PRRC2B: variants seen among roughly 807,000 people sequenced by gnomAD.
The protein encoded by PRRC2B is protein PRRC2B.
In PRRC2B, 68 loss-of-function variants were observed where a neutral mutation model predicts 242.3. That is an observed-to-expected ratio of 0.28 (90% confidence interval 0.23 to 0.34). PRRC2B has a LOEUF of 0.34. Ranked by LOEUF, PRRC2B falls within the 10% of genes least tolerant of loss-of-function variation. PRRC2B has a pLI of 1.00. For synonymous variants in PRRC2B, 1,228 were observed against 1,173.6 expected, an observed-to-expected ratio of 1.05 and a Z score of -0.95; for missense variants, 2,835 against 2,954.8, an observed-to-expected ratio of 0.96 and a Z score of 0.94.
At chr9:131,396,332 T>C (rs1337835116) in intron 1 of PRRC2B, among the ~76,000 whole-genome samples, 8 of 146,760 alleles carry the variant, frequency 5.5e-5, no homozygotes, top group East Asian at 1.9e-4. Context: ...TTTCTTTTTT[T>C]TTTTTTTTTT....
chr9:131,488,605 C>G (rs1944094276), intron 28 of PRRC2B, among the ~76,000 whole-genome samples: 1 of 152,186 alleles, frequency 6.6e-6, no homozygotes, highest in Non-Finnish European at 1.5e-5. Flanking sequence ...GTCCCCTAAG[C>G]ACTGCCTGCT....
At position 131,446,966 on chromosome 9, in the gene PRRC2B, C is replaced by A; in HGVS notation, c.856-119C>A. The A allele has an allele frequency of 1.5e-6, 2 of 1,306,018 alleles. No homozygotes were observed. The highest frequency in any genetic ancestry group is 2.1e-6 in the Non-Finnish European group (2 of 936,378). 80.9% of individuals were successfully genotyped at this position (1,306,018 alleles called of 1,614,324 possible). A position where few individuals can be genotyped will look rare whatever the true frequency, so the allele number is the denominator to read the frequency against. Reference sequence around the variant, plus strand: ...ATGGTGGTAGGATTAATTAGGAAACCCCATGACTTTCCTGTTTCTTTTTCC... The same window carrying A: ...ATGGTGGTAGGATTAATTAGGAAACACCATGACTTTCCTGTTTCTTTTTCC... On this transcript the variant is annotated intron_variant, in intron 7 of 31. Transcript: ENST00000683519. This position sits in a 1 kb window ranked among gnomAD's most constrained non-coding sequence, Gnocchi z 4.1.
intron 5 of PRRC2B, among the ~76,000 whole-genome samples, chr9:131,442,073 C>T (rs986596268): frequency 1.3e-5 from 2 of 152,032 alleles, no homozygotes; most frequent in African/African-American, 4.8e-5. Flanking sequence ...AGAGATGGAA[C>T]AGCAATGTTG....
intron 4 of PRRC2B, among the ~76,000 whole-genome samples, chr9:131,437,465 C>G (rs1838412236): frequency 6.6e-6 from 1 of 152,194 alleles, no homozygotes; most frequent in South Asian, 2.1e-4. Context: ...GGAGGATATA[C>G]TTAGCCAGAA....
chr9:131,396,325 C>CTTTTTTTTTTTTTTTTTTTTTTT (rs1165485887), intron 1 of PRRC2B, among the ~76,000 whole-genome samples: 1 of 132,950 alleles, frequency 7.5e-6, no homozygotes, highest in Non-Finnish European at 1.6e-5. Flanking sequence ...CTTTTCTTTT[C>CTTTTTTTTTTTTTTTTTTTTTTT]TTTTTTTTTT....
Position 131,482,585 on chromosome 9 carries a change from A to C in PRRC2B, c.5175+23A>C, listed in dbSNP as rs558556566. 3 of 1,572,930 alleles carry C rather than the reference A, an allele frequency of 1.9e-6. No homozygotes were observed. In the East Asian group the frequency reaches 6.8e-5, roughly 36 times the overall value. ...AAGGTAACCTGGACGTTCCAGTCAC[A>C]GTGGCCAGGGCCTGGGTGGAAGGGG... On this transcript the variant is annotated intron_variant, in intron 21 of 31. Coordinates refer to ENST00000683519, the MANE Select transcript of PRRC2B (RefSeq NM_013318.4). This position sits in a 1 kb window ranked among gnomAD's most constrained non-coding sequence, Gnocchi z 5.2.
At position 131,404,414 on chromosome 9, in the gene PRRC2B, A is replaced by G. The variant is rs114999676; in HGVS notation, c.-52+10151A>G. On this transcript the variant is annotated intron_variant, in intron 1 of 31. Coordinates refer to ENST00000683519, the MANE Select transcript of PRRC2B (RefSeq NM_013318.4). ...TTTTTGTATTTTTAATAAAGACGAG[A>G]TTTCACTATGTTGGCCAGGCTGGTC... 5.3e-3 allele frequency among the ~76,000 whole-genome samples: 810 copies of G among 151,942 alleles called. 7 individuals carry two copies. Among genetic ancestry groups the G allele is most frequent in the African/African-American group, 0.019 (768 of 41,440 alleles).
At chr9:131,440,323 T>G (rs1421733242) in intron 5 of PRRC2B, among the ~76,000 whole-genome samples, 1 of 152,200 alleles carries the variant, frequency 6.6e-6, no homozygotes, top group Non-Finnish European at 1.5e-5. Flanking sequence ...TGTTTTTGTT[T>G]TTTTTGAGAC....
chr9:131,481,626 G>A (rs1943871352), intron 19 of PRRC2B, 100 bp from the exon 20 acceptor site: 1 of 982,560 alleles, frequency 1.0e-6, no homozygotes, highest in Non-Finnish European at 1.6e-6. Flanking sequence ...AGGGGAGTTG[G>A]ATTTCTGCAA....
At chr9:131,492,723 A>G (rs918468443) in intron 30 of PRRC2B, among the ~76,000 whole-genome samples, 1 of 152,116 alleles carries the variant, frequency 6.6e-6, no homozygotes, top group African/African-American at 2.4e-5. Context: ...CATTCCTTCC[A>G]TGCTACAAAC....
At position 131,494,281 on chromosome 9, in the gene PRRC2B, T is replaced by C. The variant is rs867838434; in HGVS notation, c.6474-124T>C. The C allele has an allele frequency of 1.6e-6, 1 of 618,188 alleles. No individual in the cohort carries two copies. The highest frequency in any genetic ancestry group is 2.8e-5 in the Admixed American group (1 of 35,100). 38.3% of individuals were successfully genotyped at this position (618,188 alleles called of 1,614,324 possible). On this transcript the variant is annotated intron_variant, in intron 30 of 31. Coordinates refer to ENST00000683519, the MANE Select transcript of PRRC2B (RefSeq NM_013318.4). The surrounding 1 kb of genome is among the most constrained non-coding windows in gnomAD (Gnocchi z 4.3). ...TTCCATCCAAGAGATCCACGGACCGTCCCGAGTGAGCGCCTCTGGCCGCAG... is the reference window on the plus strand; with the variant it reads ...TTCCATCCAAGAGATCCACGGACCGCCCCGAGTGAGCGCCTCTGGCCGCAG...
Position 131,446,752 on chromosome 9 carries a change from C to T in PRRC2B, c.855+110C>T. The T allele has an allele frequency of 1.6e-6, 2 of 1,285,674 alleles. No homozygotes were observed. The highest frequency in any genetic ancestry group is 2.2e-6 in the Non-Finnish European group (2 of 929,472). The allele number at this position is 1,285,674 out of a possible 1,614,324, so 79.6% of individuals were successfully genotyped here. A position where few individuals can be genotyped will look rare whatever the true frequency, so the allele number is the denominator to read the frequency against. ...GGGGTCTCCTCTTGGCCCTGTTACC[C>T]TACTTCTGAGGCTTCCACTCGTTTT... On this transcript the variant is annotated intron_variant, in intron 7 of 31. Coordinates refer to ENST00000683519, the MANE Select transcript of PRRC2B (RefSeq NM_013318.4). The surrounding 1 kb of genome is among the most constrained non-coding windows in gnomAD (Gnocchi z 4.1).
At position 131,475,403 on chromosome 9, in the gene PRRC2B, G is replaced by A. The variant is rs980242205; in HGVS notation, c.3274G>A (p.Gly1092Arg). 2 of 1,579,176 alleles carry A rather than the reference G, an allele frequency of 1.3e-6. No homozygotes were observed. Among genetic ancestry groups the A allele is most frequent in the South Asian group, 1.2e-5 (1 of 86,760 alleles). ...GGNGSGLCGG[G>R]VLGARSIYCS... The stretch of plus-strand genomic sequence containing the variant: ...AAATGGGAGCGGCCTCTGTGGTGGG[G>A]GGGTCCTGGGGGCCCGCAGCATCTA... The change falls in exon 16 of 32, where the codon GGG becomes AGG. Residue 1092 changes from glycine (G) to arginine (R), a missense_variant. Transcript: ENST00000683519.
At chr9:131,434,600 C>T (rs1172645946) in intron 3 of PRRC2B, among the ~76,000 whole-genome samples, 2 of 152,236 alleles carry the variant, frequency 1.3e-5, no homozygotes, top group Admixed American at 6.5e-5. Flanking sequence ...TGTAAGAACC[C>T]GATCAGTAGC....
chr9:131,376,009 A>G (rs1259749749), intron 1 of PRRC2B, among the ~76,000 whole-genome samples: 2 of 138,234 alleles, frequency 1.4e-5, no homozygotes, highest in Non-Finnish European at 3.0e-5. Flanking sequence ...AGATCTCGCC[A>G]CTGCACTCTA....
chr9:131,463,628 C>CTTTTTTTTTTTTTTT (rs374951504), intron 11 of PRRC2B, among the ~76,000 whole-genome samples: 4 of 125,780 alleles, frequency 3.2e-5, no homozygotes, highest in Non-Finnish European at 6.3e-5. Context: ...TTTAGGCATG[C>CTTTTTTTTTTTTTTT]TTTTTTTTTT....
In PRRC2B at chr9:131,446,523, T is replaced by C. The variant is rs747182458; in HGVS notation, c.736T>C (p.Cys246Arg). Residue 246 changes from cysteine (C) to arginine (R), a missense_variant, in exon 7 of 32, where the codon TGT becomes CGT. Cys to Arg is a radical substitution (Grantham distance 180). Transcript: ENST00000683519. The surrounding 1 kb of genome is among the most constrained non-coding windows in gnomAD (Gnocchi z 4.1). ...GGGAGATGGAGCCCCCTCCTCGGCA[T>C]GTACCAGCGATTCTAAGGACCCCTC... ...STGDGAPSSA[C>R]TSDSKDPSLR... 6 of 1,613,836 alleles carry C rather than the reference T, an allele frequency of 3.7e-6. No homozygotes were observed. The highest frequency in any genetic ancestry group is 1.6e-4 in the Middle Eastern group (1 of 6,084).
At chr9:131,468,779 TC>T (rs1311790392) in intron 13 of PRRC2B, among the ~76,000 whole-genome samples, 1 of 152,214 alleles carries the variant, frequency 6.6e-6, no homozygotes, top group Non-Finnish European at 1.5e-5. Context: ...TTAAGGCTTT[TC>T]CCAGTATCTC....
At chr9:131,415,425 T>A (rs1280583109) in intron 1 of PRRC2B, among the ~76,000 whole-genome samples, 1 of 152,156 alleles carries the variant, frequency 6.6e-6, no homozygotes, top group African/African-American at 2.4e-5. Flanking sequence ...AGGCCCCCGC[T>A]CCCCTGGGGC....
Sources: gnomAD v4.1 joint callset for allele counts (sites outside exome capture counted in the v4.1 genomes callset) on GRCh38, gnomAD v4.1.1 for gene constraint, Gnocchi (gnomAD v3.1) non-coding constraint, MANE v1.5 for transcripts, NCBI Gene and HGNC (gene_info 2026-07-23, HGNC 2026-07-21) for gene names.